Variants in TCERG1L observed in about 807,000 individuals in gnomAD.
TCERG1L encodes the protein transcription elongation regulator 1-like protein.
Under a neutral mutation model 56.3 loss-of-function variants are expected in TCERG1L, and 37 were observed. That is an observed-to-expected ratio of 0.66 (90% CI 0.51 to 0.87). The LOEUF is 0.87. Among genes scored for constraint, TCERG1L ranks in the 40% least tolerant of loss-of-function variants. TCERG1L has a pLI of 0.00. For missense variants in TCERG1L, 799 were observed against 774.2 expected (o/e 1.03, Z -0.38); for synonymous variants, 324 against 326.3 (o/e 0.99, Z 0.08).
chr10:131,264,107 C>A (rs1221388790), intron 3 of TCERG1L, among the ~76,000 whole-genome samples: 1 of 151,788 alleles, frequency 6.6e-6, no homozygotes, highest in Non-Finnish European at 1.5e-5. Context: ...TGCACTCCCC[C>A]TCCCCCCACA....
chr10:131,285,538 A>AAAG (rs1564833982), intron 3 of TCERG1L, among the ~76,000 whole-genome samples: 37 of 37,222 alleles, frequency 9.9e-4, no homozygotes, highest in South Asian at 4.1e-3. Context: ...GAAAGAAAAG[A>AAAG]AAAGAAAGAA....
intron 8 of TCERG1L, among the ~76,000 whole-genome samples, chr10:131,128,604 T>C (rs1384090128): frequency 6.6e-6 from 1 of 152,200 alleles, no homozygotes; most frequent in Non-Finnish European, 1.5e-5. Flanking sequence ...ATTTTGGAAA[T>C]TGATATTTAA....
At chr10:131,101,086 T>C (rs1207158272) in intron 10 of TCERG1L, among the ~76,000 whole-genome samples, 1 of 152,244 alleles carries the variant, frequency 6.6e-6, no homozygotes, top group Admixed American at 6.5e-5. Flanking sequence ...GTACTTAGCA[T>C]GAGCTATATT....
chr10:131,131,610 T>C (rs1845618683), intron 8 of TCERG1L, among the ~76,000 whole-genome samples: 1 of 152,088 alleles, frequency 6.6e-6, no homozygotes, highest in African/African-American at 2.4e-5. Flanking sequence ...TCAGGAAAAG[T>C]TTCATGTGGA....
chr10:131,145,297 T>C (rs1370718245), intron 7 of TCERG1L, among the ~76,000 whole-genome samples: 1 of 152,204 alleles, frequency 6.6e-6, no homozygotes, highest in East Asian at 1.9e-4. Context: ...AAGCACTCTT[T>C]CAAGACGTAC....
chr10:131,136,791 G>A (rs530168580), intron 7 of TCERG1L, among the ~76,000 whole-genome samples: 9 of 150,992 alleles, frequency 6.0e-5, no homozygotes, highest in South Asian at 2.1e-4. Context: ...CCACCATGCC[G>A]GGCCACCTCC....
chr10:131,273,239 G>A (rs1210594084), intron 3 of TCERG1L, among the ~76,000 whole-genome samples: 2 of 152,108 alleles, frequency 1.3e-5, no homozygotes, highest in African/African-American at 4.8e-5. Context: ...TGGTTGTCAG[G>A]ACATAGCCTG....
intron 4 of TCERG1L, among the ~76,000 whole-genome samples, chr10:131,174,937 A>C (rs1417586291): frequency 2.1e-5 from 2 of 93,224 alleles, no homozygotes; most frequent in Non-Finnish European, 2.5e-5. Context: ...TAGGACCTCA[A>C]CCCTGCAGCC....
At chr10:131,110,342 TCTC>T (rs1228853159) in intron 9 of TCERG1L, among the ~76,000 whole-genome samples, 1 of 152,002 alleles carries the variant, frequency 6.6e-6, no homozygotes, top group African/African-American at 2.4e-5. Context: ...CTCTAAAACT[TCTC>T]CTCCTTGAGG....
At chr10:131,178,274 A>G (rs974696726) in intron 4 of TCERG1L, among the ~76,000 whole-genome samples, 1 of 152,140 alleles carries the variant, frequency 6.6e-6, no homozygotes, top group African/African-American at 2.4e-5. Flanking sequence ...CTTGGAGGGG[A>G]CTTCCCTGGA....
intron 3 of TCERG1L, among the ~76,000 whole-genome samples, chr10:131,284,843 T>C (rs1014030876): frequency 1.3e-5 from 2 of 152,036 alleles, no homozygotes; most frequent in East Asian, 1.9e-4. Context: ...GAATAGGAAA[T>C]AGAAAGCATG....
At chr10:131,299,882 C>A (rs542311252) in intron 3 of TCERG1L, among the ~76,000 whole-genome samples, 13 of 152,026 alleles carry the variant, frequency 8.6e-5, no homozygotes, top group African/African-American at 2.9e-4. Flanking sequence ...TAATTTTACA[C>A]ATTATATAAC....
In TCERG1L at chr10:131,103,709, T is replaced by A. The variant is rs557715358; in HGVS notation, c.1485+556A>T. Among the ~76,000 whole-genome samples, 3 of 152,198 alleles carry A rather than the reference T, an allele frequency of 2.0e-5. No homozygotes were observed. The highest frequency in any genetic ancestry group is 3.9e-4 in the East Asian group (2 of 5,170). ...CTGTCTAAAATAAAATGAAATAAAA[T>A]AAAATAAAAGGTTTTGACGGCCTTG... On this transcript the variant is annotated intron_variant, in intron 10 of 11. Transcript: ENST00000368642. This position sits in a 1 kb window ranked among gnomAD's most constrained non-coding sequence, Gnocchi z 4.3.
chr10:131,109,922 T>C (rs1484181806), intron 9 of TCERG1L, among the ~76,000 whole-genome samples: 3 of 152,142 alleles, frequency 2.0e-5, no homozygotes, highest in Non-Finnish European at 4.4e-5. Context: ...AGGGCGGCAG[T>C]TTCCAAACTC....
At chr10:131,240,944 C>G (rs1845965268) in intron 4 of TCERG1L, among the ~76,000 whole-genome samples, 1 of 152,240 alleles carries the variant, frequency 6.6e-6, no homozygotes, top group Non-Finnish European at 1.5e-5. Flanking sequence ...CCAAGAGACT[C>G]ATCCAGGGCA....
chr10:131,286,728 GA>G (rs913567885), intron 3 of TCERG1L, among the ~76,000 whole-genome samples: 2 of 152,320 alleles, frequency 1.3e-5, no homozygotes, highest in Non-Finnish European at 2.9e-5. Flanking sequence ...GGTAACAAAT[GA>G]GCATGAAGTA....
chr10:131,200,383 C>G (rs1845418457), intron 4 of TCERG1L, among the ~76,000 whole-genome samples: 1 of 152,194 alleles, frequency 6.6e-6, no homozygotes. Context: ...GAGGGCCCAA[C>G]CCCTGCTCCT....
intron 3 of TCERG1L, among the ~76,000 whole-genome samples, chr10:131,288,702 G>A (rs1335099435): frequency 6.6e-6 from 1 of 152,176 alleles, no homozygotes; most frequent in Non-Finnish European, 1.5e-5. Flanking sequence ...TACATCCAAA[G>A]TGTCCTTGTA....
intron 6 of TCERG1L, among the ~76,000 whole-genome samples, chr10:131,150,711 C>T (rs920417915): frequency 1.2e-4 from 18 of 152,170 alleles, no homozygotes; most frequent in Admixed American, 5.9e-4. Flanking sequence ...CTTTGGGCCC[C>T]GATAGCACAC....
Sources: allele counts gnomAD v4.1 joint callset (sites outside exome capture counted in the v4.1 genomes callset), GRCh38; gene constraint gnomAD v4.1.1; non-coding constraint Gnocchi (gnomAD v3.1); transcripts MANE v1.5; gene names NCBI Gene and HGNC (gene_info 2026-07-23, HGNC 2026-07-21).